The following SPAG16 variants were observed in gnomAD, a reference collection of about 807,000 sequenced individuals.
SPAG16 encodes the protein sperm-associated antigen 16 protein.
A neutral mutation model predicts 80.4 loss-of-function variants in SPAG16; 86 were observed. The ratio of observed to expected loss-of-function variants is 1.07; its 90% confidence interval spans 0.90 to 1.28. The LOEUF (loss-of-function observed/expected upper bound fraction) is 1.28. Among genes scored for constraint, SPAG16 ranks in the 50% most tolerant of loss-of-function variants. The pLI is 0.00. For missense variants in SPAG16, 870 were observed against 765.3 expected, an observed-to-expected ratio of 1.14 and a Z score of -1.61; for synonymous variants, 294 against 265.9, an observed-to-expected ratio of 1.11 and a Z score of -1.03.
At chr2:214,003,333 G>A (rs1037185971) in intron 12 of SPAG16, among the ~76,000 whole-genome samples, 2 of 152,194 alleles carry the variant, frequency 1.3e-5, no homozygotes, top group African/African-American at 4.8e-5. Context: ...TCTATACAAT[G>A]TATATGTTTT....
intron 7 of SPAG16, 23 bp downstream of exon 7, chr2:213,350,668 C>G (rs1375022804): frequency 3.1e-6 from 4 of 1,304,332 alleles, no homozygotes; most frequent in Non-Finnish European, 3.2e-6. Flanking sequence ...TCAAAGCTAA[C>G]TTAAAATGAT....
intron 10 of SPAG16, among the ~76,000 whole-genome samples, chr2:213,758,468 A>G (rs1480501846): frequency 6.6e-6 from 1 of 152,072 alleles, no homozygotes; most frequent in Non-Finnish European, 1.5e-5. Flanking sequence ...AAAATGATAT[A>G]TGAACAAAAT....
intron 15 of SPAG16, among the ~76,000 whole-genome samples, chr2:214,225,455 G>A (rs373266583): frequency 1.1e-4 from 17 of 152,094 alleles, no homozygotes; most frequent in African/African-American, 3.6e-4. Context: ...AGGGACACAT[G>A]GTTCTATTCT....
chr2:213,410,091 G>T (rs780370810), intron 9 of SPAG16, among the ~76,000 whole-genome samples: 4 of 151,862 alleles, frequency 2.6e-5, no homozygotes, highest in Non-Finnish European at 1.5e-5. Flanking sequence ...GCAAAAAGGG[G>T]ATGGAATCAT....
chr2:214,393,714 T>C (rs1463648719), intron 15 of SPAG16, among the ~76,000 whole-genome samples: 1 of 152,098 alleles, frequency 6.6e-6, no homozygotes, highest in Non-Finnish European at 1.5e-5. Context: ...ACAACACTCA[T>C]AATGTGAAAT....
At chr2:213,794,822 T>C (rs184550445) in intron 10 of SPAG16, among the ~76,000 whole-genome samples, 18 of 152,254 alleles carry the variant, frequency 1.2e-4, no homozygotes, top group Admixed American at 1.2e-3. Context: ...AAGATGGCAG[T>C]TGATAAGAGA....
intron 10 of SPAG16, among the ~76,000 whole-genome samples, chr2:213,840,698 T>C (rs2074318537): frequency 6.6e-6 from 1 of 152,102 alleles, no homozygotes; most frequent in South Asian, 2.1e-4. Context: ...ACAGGATTTC[T>C]AAATCTCAAA....
At position 213,407,052 on chromosome 2, in the gene SPAG16, G is replaced by T. The variant is rs150031564; in HGVS notation, c.942+31933G>T. On this transcript the variant is annotated intron_variant, in intron 9 of 15. Coordinates refer to ENST00000331683, the MANE Select transcript of SPAG16 (RefSeq NM_024532.5). ...GACCAAGGAAGGAGAAGCCGCGGGA[G>T]CGGGTAGAGTACCTTGGTGGTCAAA... is the stretch of plus-strand genomic sequence containing the variant. Among the ~76,000 whole-genome samples the T allele has an allele frequency of 9.2e-3, 1,400 of 152,224 alleles. 20 individuals carry two copies. Among genetic ancestry groups the T allele is most frequent in the Non-Finnish European group, 0.013 (861 of 68,018 alleles).
intron 10 of SPAG16, among the ~76,000 whole-genome samples, chr2:213,765,437 T>C (rs2068884539): frequency 6.6e-6 from 1 of 152,182 alleles, no homozygotes; most frequent in Non-Finnish European, 1.5e-5. Context: ...TCATCAGGCT[T>C]AGAAGAATGG....
At chr2:213,902,197 C>G (rs957477852) in intron 11 of SPAG16, among the ~76,000 whole-genome samples, 2 of 152,142 alleles carry the variant, frequency 1.3e-5, no homozygotes, top group South Asian at 2.1e-4. Flanking sequence ...GTGGATATAC[C>G]AAAGAATAAA....
chr2:214,343,186 G>A (rs761324471), intron 15 of SPAG16, among the ~76,000 whole-genome samples: 1 of 152,094 alleles, frequency 6.6e-6, no homozygotes, highest in Admixed American at 6.5e-5. Flanking sequence ...AGAAGAGGAT[G>A]TTGTAAGAAA....
intron 15 of SPAG16, among the ~76,000 whole-genome samples, chr2:214,214,800 T>C (rs1331937085): frequency 2.6e-5 from 4 of 151,516 alleles, no homozygotes; most frequent in Admixed American, 2.0e-4. Flanking sequence ...AGACTCAAAC[T>C]CCCTTGTCAA....
At chr2:213,797,881 A>G (rs1199314764) in intron 10 of SPAG16, among the ~76,000 whole-genome samples, 1 of 152,240 alleles carries the variant, frequency 6.6e-6, no homozygotes, top group Non-Finnish European at 1.5e-5. Context: ...TGTTTAGCAT[A>G]TGAGAAACTG....
intron 12 of SPAG16, among the ~76,000 whole-genome samples, chr2:213,968,094 T>G (rs2044803184): frequency 7.7e-6 from 1 of 130,124 alleles, no homozygotes; most frequent in Non-Finnish European, 1.7e-5. Flanking sequence ...CTTCTTTCCT[T>G]CTTTTTTCTT....
At chr2:214,313,613 T>C (rs1271518004) in intron 15 of SPAG16, among the ~76,000 whole-genome samples, 1 of 152,136 alleles carries the variant, frequency 6.6e-6, no homozygotes, top group African/African-American at 2.4e-5. Flanking sequence ...TTCCTACTAA[T>C]TAACATTCAC....
At chr2:213,653,108 AAAG>A (rs10562719) in intron 10 of SPAG16, among the ~76,000 whole-genome samples, 62,471 of 151,676 alleles carry the variant, frequency 0.41, 13,399 homozygotes, top group Middle Eastern at 0.51. Context: ...TCACTGGGTC[AAAG>A]AAGTCTTTTT....
intron 14 of SPAG16, among the ~76,000 whole-genome samples, chr2:214,116,617 A>T (rs1045095794): frequency 6.6e-6 from 1 of 152,126 alleles, no homozygotes; most frequent in Non-Finnish European, 1.5e-5. Context: ...CTGCGCAGAG[A>T]CCTGCTGGGA....
chr2:213,816,671 T>A (rs1334143153), intron 10 of SPAG16, among the ~76,000 whole-genome samples: 2 of 152,116 alleles, frequency 1.3e-5, no homozygotes, highest in African/African-American at 2.4e-5. Flanking sequence ...AAAGATAGCC[T>A]TTACACATGT....
chr2:214,214,974 G>A (rs539368809), intron 15 of SPAG16, among the ~76,000 whole-genome samples: 46 of 151,634 alleles, frequency 3.0e-4, no homozygotes, highest in Middle Eastern at 3.4e-3. Context: ...TTTAAAAAAC[G>A]TATCTCTGCA....
Sources: gnomAD v4.1 joint callset for allele counts (sites outside exome capture counted in the v4.1 genomes callset) on GRCh38, gnomAD v4.1.1 for gene constraint, MANE v1.5 for transcripts, NCBI Gene and HGNC (gene_info 2026-07-23, HGNC 2026-07-21) for gene names.